The following TOM1L2 variants were observed in gnomAD, a reference collection of about 807,000 sequenced individuals.
TOM1L2 encodes the protein target of myb1 like 2 membrane trafficking protein.
In TOM1L2, 31 loss-of-function variants were observed where a neutral mutation model predicts 67.9. The ratio of observed to expected loss-of-function variants is 0.46; its 90% CI spans 0.34 to 0.62. The LOEUF is 0.62. Ranked by LOEUF, TOM1L2 falls within the 20% of genes least tolerant of loss-of-function variation. The pLI, the probability that TOM1L2 is intolerant of heterozygous loss-of-function variation, is 0.01. For missense variants in TOM1L2, 606 were observed against 663.5 expected, an observed-to-expected ratio of 0.91 and a Z score of 0.95; for synonymous variants, 256 against 254.0, an observed-to-expected ratio of 1.01 and a Z score of -0.07.
chr17:17,957,550 ATGTATGCATTTTACTACAAG>A (rs2041509951), intron 1 of TOM1L2, among the ~76,000 whole-genome samples: 1 of 152,146 alleles, frequency 6.6e-6, no homozygotes, highest in East Asian at 1.9e-4. Context: ...TTATAACAAA[ATGTATGCATTTTACTACAAG>A]TAAACTACCT....
At chr17:17,859,867 C>A (rs970620328) in intron 12 of TOM1L2, 1 of 152,288 alleles carries the variant, frequency 6.6e-6, no homozygotes, top group African/African-American at 2.4e-5. Context: ...GGCGCCAGAG[C>A]GAGACTCCAT....
At chr17:17,899,552 A>G (rs2038742850) in intron 2 of TOM1L2, among the ~76,000 whole-genome samples, 1 of 152,246 alleles carries the variant, frequency 6.6e-6, no homozygotes, top group Non-Finnish European at 1.5e-5. Flanking sequence ...TATACATATT[A>G]CATGTAGGTC....
intron 1 of TOM1L2, among the ~76,000 whole-genome samples, chr17:17,952,706 A>T (rs990978757): frequency 5.3e-5 from 8 of 152,164 alleles, no homozygotes; most frequent in African/African-American, 1.9e-4. Context: ...ATATTTTATA[A>T]TTTTTAAAAA....
chr17:17,913,277 G>A (rs1313897890), intron 1 of TOM1L2, among the ~76,000 whole-genome samples: 1 of 144,578 alleles, frequency 6.9e-6, no homozygotes, highest in Admixed American at 7.0e-5. Flanking sequence ...GAGAGGGAGA[G>A]GGAGAGCTGG....
chr17:17,848,495 C>T (rs200557620), intron 14 of TOM1L2, among the ~76,000 whole-genome samples: 2 of 152,204 alleles, frequency 1.3e-5, no homozygotes, highest in East Asian at 1.9e-4. Flanking sequence ...GGTGCTGCTG[C>T]GCACCTCCAC....
chr17:17,900,084 C>G (rs2038772443), intron 2 of TOM1L2, among the ~76,000 whole-genome samples: 1 of 151,298 alleles, frequency 6.6e-6, no homozygotes, highest in South Asian at 2.1e-4. Context: ...GTGGTGGCAG[C>G]TGCCTGTAAT....
At chr17:17,858,253 T>C (rs2036357025) in intron 12 of TOM1L2, 1 of 163,676 alleles carries the variant, frequency 6.1e-6, no homozygotes, top group African/African-American at 2.4e-5. Context: ...TCTAGTGGCA[T>C]GTGTATTCTT....
chr17:17,848,563 C>T (rs1375908845), intron 14 of TOM1L2, among the ~76,000 whole-genome samples: 1 of 152,246 alleles, frequency 6.6e-6, no homozygotes, highest in Admixed American at 6.5e-5. Flanking sequence ...TGGCAATCTG[C>T]ACCCGCTATT....
At chr17:17,955,072 C>G (rs1247618862) in intron 1 of TOM1L2, among the ~76,000 whole-genome samples, 1 of 152,202 alleles carries the variant, frequency 6.6e-6, no homozygotes, top group Non-Finnish European at 1.5e-5. Flanking sequence ...AATGTGCCAT[C>G]ACAAGTGACA....
chr17:17,853,379 G>C (rs979017609), intron 12 of TOM1L2, among the ~76,000 whole-genome samples: 2 of 152,146 alleles, frequency 1.3e-5, no homozygotes, highest in African/African-American at 4.8e-5. Context: ...GACATTAAGG[G>C]GTCAGGGGCC....
chr17:17,918,269 G>A (rs1481583615), intron 1 of TOM1L2, among the ~76,000 whole-genome samples: 2 of 149,480 alleles, frequency 1.3e-5, no homozygotes, highest in Non-Finnish European at 3.0e-5. Context: ...TTTGTTTTGT[G>A]GTATCTTCAA....
chr17:17,909,472 G>A (rs977933151), intron 1 of TOM1L2, among the ~76,000 whole-genome samples: 4 of 151,858 alleles, frequency 2.6e-5, no homozygotes, highest in Non-Finnish European at 2.9e-5. Flanking sequence ...AGGGCCTTGT[G>A]CTAAGTGAAA....
intron 12 of TOM1L2, among the ~76,000 whole-genome samples, chr17:17,855,046 T>G (rs1336604347): frequency 6.6e-6 from 1 of 152,224 alleles, no homozygotes; most frequent in African/African-American, 2.4e-5. Flanking sequence ...CCAGGCTGGC[T>G]TGGCTGAGGC....
intron 11 of TOM1L2, 21 bp from the exon 12 acceptor site, chr17:17,861,572 C>A (rs1278607470): frequency 6.2e-7 from 1 of 1,612,708 alleles, no homozygotes; most frequent in East Asian, 2.2e-5. Flanking sequence ...AGAAGCAGCA[C>A]AAGCAGAGTT....
Position 17,847,719 on chromosome 17 carries a change from G to C in TOM1L2, c.1440C>G (p.Pro480=). 6.2e-7 allele frequency: 1 copy of C among 1,614,076 alleles called. No homozygotes were observed. The highest frequency in any genetic ancestry group is 8.5e-7 in the Non-Finnish European group (1 of 1,180,016). The change falls in exon 15 of 15, where the codon CCC becomes CCG. Residue 480 remains proline (P), a synonymous_variant. Coordinates refer to ENST00000379504, the MANE Select transcript of TOM1L2 (RefSeq NM_001082968.2). Reference sequence around the variant, plus strand: ...AGGCTGGGGCAGGAGCCTCCATGGGGGGCGAGGGGAGGTCGGGAACCATTT... The same window carrying C: ...AGGCTGGGGCAGGAGCCTCCATGGGCGGCGAGGGGAGGTCGGGAACCATTT... The part of the protein sequence containing the change: ...AAEMVPDLPS[P]PMEAPAPASN...
intron 1 of TOM1L2, among the ~76,000 whole-genome samples, chr17:17,943,623 T>C (rs2040823258): frequency 6.6e-6 from 1 of 152,166 alleles, no homozygotes; most frequent in South Asian, 2.1e-4. Context: ...GCCTCCTCAT[T>C]GTTATCACTT....
Position 17,847,596 on chromosome 17 carries a change from CG to C in TOM1L2, c.*38del, listed in dbSNP as rs767141444. 1.7e-3 allele frequency: 2,607 copies of C among 1,571,270 alleles called. 7 individuals carry two copies. The Middle Eastern group carries it at 0.019, about 11-fold the overall frequency. On this transcript the variant is annotated 3_prime_UTR_variant, in exon 15 of 15. Transcript: ENST00000379504. ...GTGCCCGGTGTCCACGGGGTGCGAG[CG>C]GGGACCCGCCATCTGGGGAGGCAAA...
intron 12 of TOM1L2, among the ~76,000 whole-genome samples, chr17:17,852,498 C>T (rs943975639): frequency 2.0e-5 from 3 of 152,248 alleles, no homozygotes; most frequent in Non-Finnish European, 4.4e-5. Flanking sequence ...TTCAGAAAGG[C>T]CCAAGCCAGT....
At chr17:17,886,291 C>A (rs988397427) in intron 4 of TOM1L2, among the ~76,000 whole-genome samples, 1 of 152,260 alleles carries the variant, frequency 6.6e-6, no homozygotes, top group Non-Finnish European at 1.5e-5. Context: ...TTCCCTGATG[C>A]ACTTATTTAA....
Sources: gnomAD v4.1 joint callset for allele counts (sites outside exome capture counted in the v4.1 genomes callset) on GRCh38, gnomAD v4.1.1 for gene constraint, MANE v1.5 for transcripts, NCBI Gene and HGNC (gene_info 2026-07-23, HGNC 2026-07-21) for gene names.